SCN7A: variants seen among roughly 807,000 people sequenced by gnomAD.
SCN7A encodes sodium channel protein type 7 subunit alpha.
SCN7A carries 138 observed loss-of-function variants against 155.2 expected under a neutral mutation model. The observed-to-expected ratio is 0.89, with a 90% CI of 0.77 to 1.02. SCN7A has a LOEUF of 1.02. SCN7A is among the 50% of genes least tolerant of loss of function. SCN7A has a pLI of 0.00. For synonymous variants in SCN7A, 693 were observed against 649.0 expected (o/e 1.07, Z -1.03); for missense variants, 2,058 against 1,986.6 (o/e 1.04, Z -0.68).
Position 166,432,642 on chromosome 2 carries a change from T to C in SCN7A, c.2268A>G (p.Lys756=), listed in dbSNP as rs1701757612. ...TAAGAAGCACATAGTTTATTCCTTT[T>C]TTAATTCTTGCCACTGCAAGCTGGA... ...KNLQLAVARI[K]KGINYVLLKI... is the part of the protein sequence containing the mutation. The change falls in exon 16 of 26, where the codon AAA becomes AAG. Residue 756 remains lysine, a synonymous_variant. Transcript: ENST00000643258. The C allele has an allele frequency of 6.2e-7, 1 of 1,610,936 alleles. No individual in the cohort carries two copies. Among genetic ancestry groups the C allele is most frequent in the African/African-American group, 1.3e-5 (1 of 74,710 alleles).
chr2:166,448,002 T>C lies in SCN7A; in HGVS notation c.1291-294A>G, dbSNP rs139819398. Reference sequence around the variant, plus strand: ...TCTCCTACAGCTATTTTGAACTATATAATAAATTATTAATTAGAGTCACTG... The same window carrying C: ...TCTCCTACAGCTATTTTGAACTATACAATAAATTATTAATTAGAGTCACTG... On this transcript the variant is annotated intron_variant, in intron 11 of 25. Coordinates refer to ENST00000643258, the MANE Select transcript of SCN7A (RefSeq NM_002976.4). 5.5e-3 allele frequency among the ~76,000 whole-genome samples: 843 copies of C among 152,288 alleles called. 10 individuals are homozygous for C. Among genetic ancestry groups the C allele is most frequent in the African/African-American group, 0.019 (796 of 41,576 alleles).
chr2:166,492,265 T>C (rs930798409), intron 1 of SCN7A, among the ~76,000 whole-genome samples: 1 of 152,068 alleles, frequency 6.6e-6, no homozygotes, highest in Non-Finnish European at 1.5e-5. Flanking sequence ...ACAAATTGAG[T>C]TCTTTCTTCT....
intron 20 of SCN7A, 133 bp from the exon 21 acceptor site, chr2:166,417,118 T>A: frequency 1.5e-6 from 1 of 675,858 alleles, no homozygotes; most frequent in Non-Finnish European, 2.5e-6. Context: ...TCTAAAGATT[T>A]AACAGCCCAC....
chr2:166,471,729 G>GA (rs1051954923), intron 6 of SCN7A, among the ~76,000 whole-genome samples: 2 of 149,908 alleles, frequency 1.3e-5, no homozygotes, highest in African/African-American at 4.9e-5. Flanking sequence ...AAAATGTGGG[G>GA]GGGGGGGTGG....
At chr2:166,432,251 T>A (rs560166872) in intron 16 of SCN7A, 67 bp downstream of exon 16, 1 of 1,318,968 alleles carries the variant, frequency 7.6e-7, no homozygotes, top group African/African-American at 1.5e-5. Context: ...ACTTCGGCGC[T>A]GATTTACTTC....
chr2:166,466,040 T>G, intron 7 of SCN7A, 53 bp from the exon 8 acceptor site: 1 of 1,363,612 alleles, frequency 7.3e-7, no homozygotes, highest in Non-Finnish European at 1.0e-6. Context: ...AGAAAAGCAC[T>G]ATTGGCAAAC....
chr2:166,414,428 TAGTC>T (rs1701313107), intron 21 of SCN7A: 1 of 133,122 alleles, frequency 7.5e-6, no homozygotes, highest in Non-Finnish European at 1.6e-5. Flanking sequence ...GGTGATGTAT[TAGTC>T]AGGGTTCCCT....
chr2:166,421,340 T>A, intron 19 of SCN7A, 43 bp from the exon 20 acceptor site: 1 of 1,074,160 alleles, frequency 9.3e-7, no homozygotes. Context: ...GATTCCATAT[T>A]AATCAAAATA....
At chr2:166,476,975 G>T (rs993466648) in intron 3 of SCN7A, among the ~76,000 whole-genome samples, 2 of 152,002 alleles carry the variant, frequency 1.3e-5, no homozygotes, top group African/African-American at 4.8e-5. Flanking sequence ...TGGACATATA[G>T]TAGTAGGTGC....
At position 166,444,988 on chromosome 2, in the gene SCN7A, G is replaced by C; in HGVS notation, c.1400C>G (p.Ser467Cys). The C allele has an allele frequency of 6.2e-7, 1 of 1,600,838 alleles. No homozygotes were observed. The highest frequency in any genetic ancestry group is 8.6e-7 in the Non-Finnish European group (1 of 1,169,130). Residue 467 changes from serine (S) to cysteine (C), a missense_variant, in exon 13 of 26, where the codon TCC becomes TGC. Physicochemically the swap from Ser to Cys is moderately radical, Grantham distance 112 (BLOSUM62 -1). Coordinates refer to ENST00000643258, the MANE Select transcript of SCN7A (RefSeq NM_002976.4). ...CCAGTATAATGGGCATATCTTCTTG[G>C]ATTTTTCAAGTTCTGAAATGAAAGA... ...TLRHKEELEKSKKICPLYWYK... is the reference protein window; with the variant it reads ...TLRHKEELEKCKKICPLYWYK...
intron 11 of SCN7A, among the ~76,000 whole-genome samples, chr2:166,449,061 T>C (rs1353560124): frequency 6.6e-6 from 1 of 152,220 alleles, no homozygotes; most frequent in Admixed American, 6.5e-5. Context: ...TTAAGAGATC[T>C]TCTGCTTTAC....
intron 1 of SCN7A, among the ~76,000 whole-genome samples, chr2:166,488,572 C>A (rs1283358804): frequency 6.6e-6 from 1 of 151,720 alleles, no homozygotes; most frequent in Non-Finnish European, 1.5e-5. Flanking sequence ...TACCCACACA[C>A]AGTGCAGGTG....
intron 15 of SCN7A, among the ~76,000 whole-genome samples, chr2:166,433,174 A>G (rs1701770267): frequency 6.6e-6 from 1 of 152,100 alleles, no homozygotes; most frequent in African/African-American, 2.4e-5. Context: ...AAAAATTGCA[A>G]CTTCTGGCAT....
intron 1 of SCN7A, among the ~76,000 whole-genome samples, chr2:166,492,848 T>G (rs1683142738): frequency 6.6e-6 from 1 of 152,212 alleles, no homozygotes; most frequent in African/African-American, 2.4e-5. Context: ...TGTCAGGACT[T>G]TTTGGAGTGT....
chr2:166,490,612 C>A (rs987355051), intron 1 of SCN7A, among the ~76,000 whole-genome samples: 3 of 152,078 alleles, frequency 2.0e-5, no homozygotes, highest in Admixed American at 2.0e-4. Context: ...AAAAAGGAGG[C>A]TGTCATTTGC....
rs767202837 is a variant in SCN7A at position 166,403,892 on chromosome 2, T to C, written c.*1688A>G. On this transcript the variant is annotated 3_prime_UTR_variant, in exon 26 of 26. Coordinates refer to ENST00000643258, the MANE Select transcript of SCN7A (RefSeq NM_002976.4). ...AACACTGGTTCCTCACTGGTCTCCATAACATGATGGAGAGCAGGAGAAGAA... is the reference window on the plus strand; with the variant it reads ...AACACTGGTTCCTCACTGGTCTCCACAACATGATGGAGAGCAGGAGAAGAA... The C allele has an allele frequency of 2.0e-5, 3 of 148,630 alleles. No individual in the cohort carries two copies. The highest frequency in any genetic ancestry group is 3.0e-5 in the Non-Finnish European group (2 of 67,300). 9.2% of individuals were successfully genotyped at this position (148,630 alleles called of 1,614,324 possible). A position where few individuals can be genotyped will look rare whatever the true frequency, so the allele number is the denominator to read the frequency against.
chr2:166,445,330 A>AAAGG (rs985406129), intron 12 of SCN7A, among the ~76,000 whole-genome samples: 16 of 150,548 alleles, frequency 1.1e-4, no homozygotes, highest in East Asian at 4.0e-4. Flanking sequence ...AAGAAGGAAA[A>AAAGG]AAGGAAGGAA....
chr2:166,472,916 G>A (rs183173611), intron 5 of SCN7A, among the ~76,000 whole-genome samples: 2 of 151,822 alleles, frequency 1.3e-5, no homozygotes, highest in South Asian at 2.1e-4. Context: ...AGCAAACACA[G>A]AAATGGAAAA....
intron 2 of SCN7A, among the ~76,000 whole-genome samples, chr2:166,483,031 TTTGGCAATAATTCTATC>T (rs570209205): frequency 7.9e-5 from 12 of 152,160 alleles, no homozygotes; most frequent in African/African-American, 2.9e-4. Flanking sequence ...AAAGTAAGCT[TTTGGCAATAATTCTATC>T]AAAGTCAATT....
Sources: allele counts gnomAD v4.1 joint callset (sites outside exome capture counted in the v4.1 genomes callset), GRCh38; gene constraint gnomAD v4.1.1; transcripts MANE v1.5; gene names NCBI Gene and HGNC (gene_info 2026-07-23, HGNC 2026-07-21).